Variants in SHISA5 observed in about 807,000 individuals in gnomAD.
SHISA5 encodes the protein shisa family member 5, also known as protein shisa-5.
In SHISA5, 21 loss-of-function variants were observed where a neutral mutation model predicts 27.5. The observed-to-expected ratio is 0.76, with a 90% CI of 0.54 to 1.10. SHISA5 has a LOEUF of 1.10. Among genes scored for constraint, SHISA5 ranks in the 50% least tolerant of loss-of-function variants. The pLI, the probability that SHISA5 is intolerant of heterozygous loss-of-function variation, is 0.00. For missense variants in SHISA5, 314 were observed against 336.3 expected, an observed-to-expected ratio of 0.93 and a Z score of 0.52; for synonymous variants, 137 against 142.2, an observed-to-expected ratio of 0.96 and a Z score of 0.26.
intron 2 of SHISA5, among the ~76,000 whole-genome samples, chr3:48,489,020 T>C (rs2041339189): frequency 6.6e-6 from 1 of 151,956 alleles, no homozygotes; most frequent in African/African-American, 2.4e-5. Flanking sequence ...CCCTAGCACC[T>C]GCCAGAGGGG....
At chr3:48,502,616 A>G (rs1370918815) in intron 1 of SHISA5, 2 of 340,114 alleles carry the variant, frequency 5.9e-6, no homozygotes, top group Non-Finnish European at 1.2e-5. Flanking sequence ...GGAAGATGCT[A>G]CAGTCAAATG....
At chr3:48,476,870 G>A (rs1253844261) in intron 3 of SHISA5, 1 of 293,924 alleles carries the variant, frequency 3.4e-6, no homozygotes. Flanking sequence ...AGGCAGCAGG[G>A]CACGCCAAGC....
chr3:48,501,392 CA>C, intron 1 of SHISA5, 99 bp from the exon 2 acceptor site: 2 of 1,325,008 alleles, frequency 1.5e-6, no homozygotes, highest in Non-Finnish European at 2.1e-6. Flanking sequence ...CACACACACA[CA>C]CATGCTGCAC....
In SHISA5 at chr3:48,473,949, C is replaced by A. The variant is rs2040731303; in HGVS notation, c.315-4106G>T. On this transcript the variant is annotated intron_variant, in intron 3 of 5. Coordinates refer to ENST00000296444, the MANE Select transcript of SHISA5 (RefSeq NM_016479.6). The surrounding 1 kb of genome is among the most constrained non-coding windows in gnomAD (Gnocchi z 4.3). ...GGCTTGGTGGCACGCACCTGTAATC[C>A]CAGCTACTCAGGAGGCTTTCTCCAG... Among the ~76,000 whole-genome samples the A allele has an allele frequency of 6.6e-6, 1 of 150,582 alleles. No individual in the cohort carries two copies. Among genetic ancestry groups the A allele is most frequent in the Non-Finnish European group, 1.5e-5 (1 of 67,754 alleles).
intron 3 of SHISA5, among the ~76,000 whole-genome samples, chr3:48,475,617 C>T (rs1015391847): frequency 6.6e-6 from 1 of 152,192 alleles, no homozygotes; most frequent in South Asian, 2.1e-4. Flanking sequence ...GGCCACACCT[C>T]GCCTAATGGG....
chr3:48,481,233 G>A (rs2041000069), intron 2 of SHISA5, among the ~76,000 whole-genome samples: 1 of 151,934 alleles, frequency 6.6e-6, no homozygotes, highest in Non-Finnish European at 1.5e-5. Flanking sequence ...GAGGTCAGGA[G>A]TACAAGACCA....
Position 48,469,704 on chromosome 3 carries a change from G to C in SHISA5, c.430+24C>G. The C allele has an allele frequency of 6.2e-7, 1 of 1,613,442 alleles. No individual in the cohort carries two copies. The highest frequency in any genetic ancestry group is 8.5e-7 in the Non-Finnish European group (1 of 1,179,650). On this transcript the variant is annotated intron_variant, in intron 4 of 5. Transcript: ENST00000296444. The surrounding 1 kb of genome is among the most constrained non-coding windows in gnomAD (Gnocchi z 4.6). ...TCCCTTACCACCCCAGGGGGTCACAGTGGGGCAGGGTGGGCACGCTTACGA... is the reference window on the plus strand; with the variant it reads ...TCCCTTACCACCCCAGGGGGTCACACTGGGGCAGGGTGGGCACGCTTACGA...
chr3:48,491,592 G>C (rs759051641), intron 2 of SHISA5, among the ~76,000 whole-genome samples: 18 of 152,096 alleles, frequency 1.2e-4, no homozygotes, highest in Non-Finnish European at 2.1e-4. Flanking sequence ...AAATATTTTA[G>C]AGTTTGGCTT....
chr3:48,491,649 T>A (rs528289726), intron 2 of SHISA5, among the ~76,000 whole-genome samples: 1 of 152,124 alleles, frequency 6.6e-6, no homozygotes, highest in African/African-American at 2.4e-5. Context: ...TTTGTTTGTT[T>A]TTGTTTTGTT....
chr3:48,503,210 G>A (rs1185222951), intron 1 of SHISA5: 2 of 1,286,682 alleles, frequency 1.6e-6, no homozygotes, highest in Admixed American at 4.6e-5. Context: ...ACACACCGGT[G>A]AGGCTGTTTA....
At chr3:48,479,538 G>T in intron 2 of SHISA5, 1 of 445,706 alleles carries the variant, frequency 2.2e-6, no homozygotes, top group Non-Finnish European at 4.0e-6. Flanking sequence ...GATCTTCTCT[G>T]ACCACAACAG....
Position 48,473,295 on chromosome 3 carries a change from C to T in SHISA5, c.315-3452G>A. The T allele has an allele frequency of 1.4e-6, 2 of 1,387,096 alleles. No individual in the cohort carries two copies. The highest frequency in any genetic ancestry group is 1.9e-6 in the Non-Finnish European group (2 of 1,064,132). The allele number at this position is 1,387,096 out of a possible 1,614,324, so 85.9% of individuals were successfully genotyped here. A position where few individuals can be genotyped will look rare whatever the true frequency, so the allele number is the denominator to read the frequency against. On this transcript the variant is annotated intron_variant, in intron 3 of 5. Coordinates refer to ENST00000296444, the MANE Select transcript of SHISA5 (RefSeq NM_016479.6). This position sits in a 1 kb window ranked among gnomAD's most constrained non-coding sequence, Gnocchi z 4.3. ...TGCCCCATTTGCCTCCCAGAGCTGC[C>T]TCCCTGAGCCAAGCCTACAGGGCCT...
At chr3:48,474,360 G>C (rs1254757171) in intron 3 of SHISA5, among the ~76,000 whole-genome samples, 1 of 149,564 alleles carries the variant, frequency 6.7e-6, no homozygotes, top group African/African-American at 2.5e-5. Flanking sequence ...TTTTGAGACA[G>C]AGTCTTTCTC....
chr3:48,483,706 C>T (rs1404197981), intron 2 of SHISA5, among the ~76,000 whole-genome samples: 3 of 151,588 alleles, frequency 2.0e-5, no homozygotes, highest in Admixed American at 6.6e-5. Context: ...GGGCGGCTGG[C>T]CGGGTGGGGG....
At chr3:48,482,383 C>CT (rs1437747807) in intron 2 of SHISA5, among the ~76,000 whole-genome samples, 1 of 151,442 alleles carries the variant, frequency 6.6e-6, no homozygotes, top group Non-Finnish European at 1.5e-5. Flanking sequence ...CCAGCCTGGG[C>CT]GACAGACTGA....
At chr3:48,471,054 G>A (rs971519369) in intron 3 of SHISA5, among the ~76,000 whole-genome samples, 3 of 151,916 alleles carry the variant, frequency 2.0e-5, no homozygotes, top group African/African-American at 7.2e-5. Flanking sequence ...TTGAGACAGG[G>A]TCTCACTCTG....
intron 1 of SHISA5, chr3:48,503,167 A>C: frequency 2.3e-6 from 3 of 1,289,830 alleles, no homozygotes; most frequent in Non-Finnish European, 3.0e-6. Flanking sequence ...AGGTCTTCAC[A>C]GCCCAATCTG....
intron 2 of SHISA5, chr3:48,479,660 T>G (rs2040938167): frequency 5.9e-6 from 1 of 168,412 alleles, no homozygotes; most frequent in African/African-American, 2.4e-5. Context: ...AGGCACGATC[T>G]TGGCTCACTG....
intron 2 of SHISA5, among the ~76,000 whole-genome samples, chr3:48,482,371 C>T (rs2041053393): frequency 6.6e-6 from 1 of 152,012 alleles, no homozygotes; most frequent in South Asian, 2.1e-4. Flanking sequence ...CGCCACTGCA[C>T]TCCAGCCTGG....
Sources: gnomAD v4.1 joint callset for allele counts (sites outside exome capture counted in the v4.1 genomes callset) on GRCh38, gnomAD v4.1.1 for gene constraint, Gnocchi (gnomAD v3.1) non-coding constraint, MANE v1.5 for transcripts, NCBI Gene and HGNC (gene_info 2026-07-23, HGNC 2026-07-21) for gene names.